The following SCN2A variants were observed in gnomAD, a reference collection of about 807,000 sequenced individuals.
SCN2A encodes the protein sodium voltage-gated channel alpha subunit 2.
SCN2A carries 20 observed loss-of-function variants against 188.7 expected under a neutral mutation model. That is an observed-to-expected ratio of 0.11 (90% CI 0.07 to 0.15). SCN2A has a LOEUF of 0.15. SCN2A is among the 10% of genes least tolerant of loss of function. The pLI is 1.00. For synonymous variants in SCN2A, 804 were observed against 833.1 expected (o/e 0.97, Z 0.60); for missense variants, 1,278 against 2,445.0 (o/e 0.52, Z 10.07).
At chr2:165,281,412 A>G (rs1695579330) in intron 1 of SCN2A, among the ~76,000 whole-genome samples, 1 of 151,970 alleles carries the variant, frequency 6.6e-6, no homozygotes. Flanking sequence ...TAAGGGAATG[A>G]GCCATGCAAA....
At chr2:165,283,671 G>A (rs761150936) in intron 1 of SCN2A, among the ~76,000 whole-genome samples, 4 of 152,138 alleles carry the variant, frequency 2.6e-5, no homozygotes, top group Non-Finnish European at 4.4e-5. Context: ...AACATCTTAG[G>A]TATAGAAAGG....
intron 17 of SCN2A, among the ~76,000 whole-genome samples, chr2:165,360,354 A>T (rs753953252): frequency 1.2e-4 from 18 of 151,988 alleles, no homozygotes; most frequent in Non-Finnish European, 2.2e-4. Flanking sequence ...AGTATTATTA[A>T]AGCAGAAAGC....
rs182211852 is a variant in SCN2A at position 165,373,631 on chromosome 2, G to A, written c.3972+284G>A. Among the ~76,000 whole-genome samples the A allele has an allele frequency of 4.6e-5, 7 of 152,198 alleles. No individual in the cohort carries two copies. The East Asian group carries it at 1.4e-3, about 29-fold the overall frequency. Reference sequence around the variant, plus strand: ...GCTGATTTGAATCAAGATTATTTATGTTCACTTCATTTATAAATGTGCAGG... The same window carrying A: ...GCTGATTTGAATCAAGATTATTTATATTCACTTCATTTATAAATGTGCAGG... On this transcript the variant is annotated intron_variant, in intron 21 of 26. Transcript: ENST00000375437.
chr2:165,257,449 A>T (rs1016887595), intron 1 of SCN2A, among the ~76,000 whole-genome samples: 4 of 152,138 alleles, frequency 2.6e-5, no homozygotes, highest in Non-Finnish European at 5.9e-5. Flanking sequence ...TCACTTTTTA[A>T]TCATAGCCAT....
intron 12 of SCN2A, among the ~76,000 whole-genome samples, chr2:165,326,559 G>A (rs1220333793): frequency 2.0e-5 from 3 of 152,172 alleles, no homozygotes; most frequent in Admixed American, 6.5e-5. Flanking sequence ...GGGATTGGCT[G>A]AAATGCTAAA....
chr2:165,350,807 A>G (rs889023625), intron 16 of SCN2A, among the ~76,000 whole-genome samples: 3 of 152,020 alleles, frequency 2.0e-5, no homozygotes, highest in African/African-American at 7.2e-5. Flanking sequence ...CACACCAAAC[A>G]CCTGTGCCAG....
chr2:165,358,944 C>T, intron 17 of SCN2A, among the ~76,000 whole-genome samples: 1 of 152,124 alleles, frequency 6.6e-6, no homozygotes, highest in Non-Finnish European at 1.5e-5. Flanking sequence ...AATATTTAAC[C>T]AAAATGCCTA....
rs888458434 is a variant in SCN2A at position 165,359,932 on chromosome 2, A to G, written c.3400-5211A>G. Among the ~76,000 whole-genome samples the G allele has an allele frequency of 3.2e-4, 48 of 152,012 alleles. 1 individual carries two copies. Among genetic ancestry groups the G allele is most frequent in the Non-Finnish European group, 2.9e-5 (2 of 67,908 alleles). ...GTTTTAAAAATGTTATAATGTATTC[A>G]TTATAAACACTAAAATGACTTTCTG... On this transcript the variant is annotated intron_variant, in intron 17 of 26. Transcript: ENST00000375437.
At chr2:165,309,499 CA>C in intron 6 of SCN2A, 56 bp downstream of exon 6, 1 of 1,601,404 alleles carries the variant, frequency 6.2e-7, no homozygotes, top group Non-Finnish European at 8.6e-7. Flanking sequence ...GCTACAATCA[CA>C]GCTTTTGTGC....
At chr2:165,265,471 C>CTATATATATATATATATA (rs1178289931) in intron 1 of SCN2A, among the ~76,000 whole-genome samples, 6 of 29,016 alleles carry the variant, frequency 2.1e-4, no homozygotes, top group Non-Finnish European at 3.3e-4. Context: ...CTCTGTTGAT[C>CTATATATATATATATATA]TATATATATA....
At chr2:165,287,869 A>G (rs1274509073) in intron 1 of SCN2A, among the ~76,000 whole-genome samples, 2 of 152,210 alleles carry the variant, frequency 1.3e-5, no homozygotes, top group African/African-American at 4.8e-5. Flanking sequence ...TGTTTTTGGT[A>G]TCTGCTGTCC....
chr2:165,298,407 G>A (rs993547351), intron 3 of SCN2A, among the ~76,000 whole-genome samples: 1 of 152,150 alleles, frequency 6.6e-6, no homozygotes, highest in African/African-American at 2.4e-5. Flanking sequence ...TCCCAGTATG[G>A]CAAATGTTGT....
chr2:165,386,087 A>C (rs1441211368), intron 25 of SCN2A, among the ~76,000 whole-genome samples: 1 of 152,186 alleles, frequency 6.6e-6, no homozygotes, highest in Non-Finnish European at 1.5e-5. Context: ...AATAAAATAC[A>C]CTACTTTCTT....
At chr2:165,250,609 A>G (rs1460436831) in intron 1 of SCN2A, among the ~76,000 whole-genome samples, 2 of 151,960 alleles carry the variant, frequency 1.3e-5, no homozygotes, top group African/African-American at 2.4e-5. Flanking sequence ...TTTACAACCA[A>G]TAACAGATTA....
chr2:165,249,652 A>G (rs1020266785), intron 1 of SCN2A, among the ~76,000 whole-genome samples: 1 of 151,960 alleles, frequency 6.6e-6, no homozygotes, highest in Admixed American at 6.6e-5. Context: ...ATTATTTACT[A>G]CCTTAGTTTA....
intron 1 of SCN2A, among the ~76,000 whole-genome samples, chr2:165,263,350 T>G (rs1373012617): frequency 6.6e-6 from 1 of 152,104 alleles, no homozygotes. Flanking sequence ...TTCTAGAAGT[T>G]TTATGGCTTC....
At chr2:165,296,321 C>T (rs1042572042) in intron 2 of SCN2A, 59 of 554,336 alleles carry the variant, frequency 1.1e-4, no homozygotes, top group African/African-American at 2.3e-4. Flanking sequence ...TCCTCCAGCG[C>T]GGGAATTAAG....
At chr2:165,311,422 T>C (rs1183431082) in intron 7 of SCN2A, among the ~76,000 whole-genome samples, 1 of 152,082 alleles carries the variant, frequency 6.6e-6, no homozygotes, top group Non-Finnish European at 1.5e-5. Flanking sequence ...AAACTAGATA[T>C]ACTCAGACAA....
chr2:165,390,036 C>G lies in SCN2A; in HGVS notation c.*212C>G. ...GAGAAATAGTATCGATGGGAGGTTTCTATTTTCACAACCAGCTGACACTGC... is the reference window on the plus strand; with the variant it reads ...GAGAAATAGTATCGATGGGAGGTTTGTATTTTCACAACCAGCTGACACTGC... On this transcript the variant is annotated 3_prime_UTR_variant, in exon 27 of 27. Coordinates refer to ENST00000375437, the MANE Select transcript of SCN2A (RefSeq NM_001040142.2). 1 of 708,934 alleles carries G rather than the reference C, an allele frequency of 1.4e-6. No individual in the cohort carries two copies. Among genetic ancestry groups the G allele is most frequent in the Non-Finnish European group, 2.2e-6 (1 of 456,330 alleles). 43.9% of individuals were successfully genotyped at this position (708,934 alleles called of 1,614,324 possible).
Sources: allele counts gnomAD v4.1 joint callset (sites outside exome capture counted in the v4.1 genomes callset), GRCh38; gene constraint gnomAD v4.1.1; transcripts MANE v1.5; gene names NCBI Gene and HGNC (gene_info 2026-07-23, HGNC 2026-07-21).